The following RBM23 variants were observed in gnomAD, a reference collection of about 807,000 sequenced individuals.
RBM23 encodes RNA binding motif protein 23.
Under a neutral mutation model 56.2 loss-of-function variants are expected in RBM23, and 53 were observed. That is an observed-to-expected ratio of 0.94 (90% CI 0.76 to 1.19). The LOEUF is 1.19. Among genes scored for constraint, RBM23 ranks in the 50% most tolerant of loss-of-function variants. RBM23 has a pLI of 0.00. For missense variants in RBM23, 642 were observed against 590.3 expected, an observed-to-expected ratio of 1.09 and a Z score of -0.91; for synonymous variants, 197 against 198.5, an observed-to-expected ratio of 0.99 and a Z score of 0.06.
rs58361546 is a variant in RBM23 at position 22,912,998 on chromosome 14, C to CAA, written c.-10-1597_-10-1596dup. Among the ~76,000 whole-genome samples the CAA allele has an allele frequency of 5.4e-3, 190 of 35,420 alleles. 60 individuals are homozygous for CAA. Among genetic ancestry groups the CAA allele is most frequent in the African/African-American group, 0.024 (153 of 6,272 alleles). 23.2% of individuals were successfully genotyped at this position (35,420 alleles called of 152,430 possible). A position where few individuals can be genotyped will look rare whatever the true frequency, so the allele number is the denominator to read the frequency against. On this transcript the variant is annotated intron_variant, in intron 1 of 13. Coordinates refer to ENST00000359890, the MANE Select transcript of RBM23 (RefSeq NM_001077351.2). ...CTGGAGACAGAGTGAGATTCAGTCT[C>CAA]AAAAAAAAAAAAAAAAAAAAAAAAA...
chr14:22,905,672 G>A lies in RBM23; in HGVS notation c.402-13C>T, dbSNP rs1394968851. On this transcript the variant is annotated splice_polypyrimidine_tract_variant and intron_variant, in intron 5 of 13. Coordinates refer to ENST00000359890, the MANE Select transcript of RBM23 (RefSeq NM_001077351.2). ...TCCATACCTATAACTAAAGAATAGA[G>A]AAAAACAAAAGGTGAAACCTTATTC... 6.3e-7 allele frequency: 1 copy of A among 1,593,618 alleles called. No homozygotes were observed. The highest frequency in any genetic ancestry group is 1.1e-5 in the South Asian group (1 of 90,282).
In RBM23 at chr14:22,893,603, T is replaced by C. The variant is rs1450804304; in HGVS notation, c.*8127A>G. ...CCTTAAAGGATATGTAGGCTATAGA[T>C]AGTTGAGAGAAAGAAGGAAAAGCAT... On this transcript the variant is annotated 3_prime_UTR_variant, in exon 14 of 14. Coordinates refer to ENST00000359890, the MANE Select transcript of RBM23 (RefSeq NM_001077351.2). 6.6e-6 allele frequency: 1 copy of C among 152,194 alleles called. No individual in the cohort carries two copies. Among genetic ancestry groups the C allele is most frequent in the East Asian group, 1.9e-4 (1 of 5,198 alleles). The allele number at this position is 152,194 out of a possible 1,614,324, so 9.4% of individuals were successfully genotyped here.
At position 22,901,995 on chromosome 14, in the gene RBM23, G is replaced by T; in HGVS notation, c.1231C>A (p.Pro411Thr). The T allele has an allele frequency of 3.1e-6, 5 of 1,611,822 alleles. No individual in the cohort carries two copies. Among genetic ancestry groups the T allele is most frequent in the Non-Finnish European group, 4.2e-6 (5 of 1,178,420 alleles). ...CCAAGACTACCAGTCAGAGCTGCTG[G>T]ATTCAGGGCCCCCAAGGGAACTGCT... ...NGAVPLGALNPAALTALSPAL... is the reference protein window; with the variant it reads ...NGAVPLGALNTAALTALSPAL... The change falls in exon 12 of 14, where the codon CCA becomes ACA. Residue 411 changes from proline to threonine, a missense_variant. Pro to Thr is a conservative substitution (Grantham distance 38, BLOSUM62 -1). Coordinates refer to ENST00000359890, the MANE Select transcript of RBM23 (RefSeq NM_001077351.2).
At position 22,902,756 on chromosome 14, in the gene RBM23, C is replaced by CCTTTTTTTTTTTTTT. The variant is rs1555336814; in HGVS notation, c.931-375_931-374insAAAAAAAAAAAAAAG. 11 of 432,480 alleles carry CCTTTTTTTTTTTTTT rather than the reference C, an allele frequency of 2.5e-5. 5 individuals carry two copies. Among genetic ancestry groups the CCTTTTTTTTTTTTTT allele is most frequent in the Admixed American group, 4.5e-4 (2 of 4,470 alleles). 26.8% of individuals were successfully genotyped at this position (432,480 alleles called of 1,614,324 possible). ...GTTCTCTATCCTAGTAAGTTTTAGT[C>CCTTTTTTTTTTTTTT]TTTTTTTTTTTTTTTTTTTTTTTTT... On this transcript the variant is annotated intron_variant, in intron 10 of 13. Transcript: ENST00000359890.
At chr14:22,915,496 C>CTT (rs71115587) in intron 1 of RBM23, among the ~76,000 whole-genome samples, 57 of 124,006 alleles carry the variant, frequency 4.6e-4, no homozygotes, top group African/African-American at 1.3e-3. Flanking sequence ...CCATGCCTGG[C>CTT]TTTTTTTTTT....
intron 9 of RBM23, among the ~76,000 whole-genome samples, 193 bp downstream of exon 9, chr14:22,904,680 ATT>A (rs1488486659): frequency 1.3e-5 from 2 of 152,020 alleles, no homozygotes; most frequent in Non-Finnish European, 2.9e-5. Flanking sequence ...CTATTATTTG[ATT>A]TGTGTCTAAC....
chr14:22,902,109 AAAG>A lies in RBM23; in HGVS notation c.1127-13_1127-11del. 1 of 1,606,336 alleles carries A rather than the reference AAAG, an allele frequency of 6.2e-7. No homozygotes were observed. Among genetic ancestry groups the A allele is most frequent in the Non-Finnish European group, 8.5e-7 (1 of 1,175,136 alleles). On this transcript the variant is annotated splice_polypyrimidine_tract_variant and intron_variant, in intron 11 of 13. Transcript: ENST00000359890. ...AGTTGGATTCCAGCGCCTAAAAGGA[AAAG>A]AAAAGGTGGGATTAAGCCCCAACCC...
At chr14:22,916,359 C>T (rs2043494551) in intron 1 of RBM23, among the ~76,000 whole-genome samples, 2 of 151,544 alleles carry the variant, frequency 1.3e-5, no homozygotes, top group Admixed American at 1.3e-4. Flanking sequence ...CTAGCTCAAG[C>T]AATCCTCTAA....
chr14:22,917,571 T>C (rs1393850027), intron 1 of RBM23: 6 of 151,860 alleles, frequency 4.0e-5, no homozygotes, highest in African/African-American at 1.5e-4. Context: ...TTCTTCTTTT[T>C]TGTTTTTTTT....
rs530499478 is a variant in RBM23 at position 22,905,783 on chromosome 14, C to T, written c.402-124G>A. On this transcript the variant is annotated intron_variant, in intron 5 of 13. Coordinates refer to ENST00000359890, the MANE Select transcript of RBM23 (RefSeq NM_001077351.2). Reference sequence around the variant, plus strand: ...TTGTTTTTTTAAGACAGGGTTTCCGCTGTCACCCAGGCTGGAGTGCAGTGG... The same window carrying T: ...TTGTTTTTTTAAGACAGGGTTTCCGTTGTCACCCAGGCTGGAGTGCAGTGG... The T allele has an allele frequency of 2.7e-5, 21 of 784,896 alleles. No homozygotes were observed. The South Asian group carries it at 3.3e-4, about 12-fold the overall frequency. 48.6% of individuals were successfully genotyped at this position (784,896 alleles called of 1,614,324 possible).
intron 3 of RBM23, 82 bp downstream of exon 3, chr14:22,909,401 T>G: frequency 9.1e-7 from 1 of 1,096,818 alleles, no homozygotes; most frequent in Non-Finnish European, 1.4e-6. Context: ...AGAAACAATC[T>G]CCCTATTCTG....
rs2040249827 is a variant in RBM23 at position 22,896,430 on chromosome 14, T to C, written c.*5300A>G. 6.6e-6 allele frequency: 1 copy of C among 152,188 alleles called. No individual in the cohort carries two copies. Among genetic ancestry groups the C allele is most frequent in the South Asian group, 2.1e-4 (1 of 4,830 alleles). 9.4% of individuals were successfully genotyped at this position (152,188 alleles called of 1,614,324 possible). On this transcript the variant is annotated 3_prime_UTR_variant, in exon 14 of 14. Transcript: ENST00000359890. ...GGCGAATTCTTAGCACCACTAATTC[T>C]AAGCAAGTAGGCTTCCTGATGCCTG... is the stretch of plus-strand genomic sequence containing the variant.
In RBM23 at chr14:22,895,185, C is replaced by A. The variant is rs2040228329; in HGVS notation, c.*6545G>T. ...GACCAGCCTGACCAACATGGAGAAA[C>A]CCTGTCTCCACTAAAAATACAAAAT... On this transcript the variant is annotated 3_prime_UTR_variant, in exon 14 of 14. Coordinates refer to ENST00000359890, the MANE Select transcript of RBM23 (RefSeq NM_001077351.2). The A allele has an allele frequency of 1.3e-5, 2 of 151,788 alleles. No individual in the cohort carries two copies. Among genetic ancestry groups the A allele is most frequent in the African/African-American group, 4.8e-5 (2 of 41,284 alleles). 9.4% of individuals were successfully genotyped at this position (151,788 alleles called of 1,614,324 possible).
chr14:22,918,422 G>A (rs1313767277), intron 1 of RBM23, among the ~76,000 whole-genome samples: 1 of 151,266 alleles, frequency 6.6e-6, no homozygotes, highest in African/African-American at 2.4e-5. Context: ...GGTCCTATAG[G>A]CAACCAACTG....
chr14:22,910,151 CAAAAAAAAAAAAAAA>C (rs532892000), intron 2 of RBM23, among the ~76,000 whole-genome samples: 1 of 16,696 alleles, frequency 6.0e-5, no homozygotes, highest in East Asian at 3.4e-3. Flanking sequence ...GACTCTGTCT[CAAAAAAAAAAAAAAA>C]AAAAAAAAAA....
intron 1 of RBM23, among the ~76,000 whole-genome samples, chr14:22,915,859 G>A (rs975436607): frequency 1.2e-4 from 18 of 152,288 alleles, no homozygotes; most frequent in Admixed American, 9.8e-4. Flanking sequence ...CTGCAGACAG[G>A]TAATATATGA....
chr14:22,902,837 C>G, intron 10 of RBM23: 23 of 926,528 alleles, frequency 2.5e-5, no homozygotes, highest in Non-Finnish European at 2.9e-5. Context: ...TGCAGTGGCA[C>G]CATGTCAGCT....
Position 22,901,801 on chromosome 14 carries a change from C to T in RBM23, c.1316+13G>A. On this transcript the variant is annotated intron_variant, in intron 13 of 13. Transcript: ENST00000359890. ...TAATCAAAGGCTAGAATGAGCTAGA[C>T]CCTGAGACTCACATGGTCTGGGGGG... 1.9e-6 allele frequency: 3 copies of T among 1,614,144 alleles called. No individual in the cohort carries two copies. The highest frequency in any genetic ancestry group is 3.3e-4 in the Middle Eastern group (2 of 6,062).
intron 10 of RBM23, chr14:22,903,072 G>A (rs113510189): frequency 0.17 from 163,310 of 984,910 alleles, 13,984 homozygotes; most frequent in Admixed American, 0.18. Context: ...GTGAGCCACC[G>A]CGCCTGGCCA....
Sources: gnomAD v4.1 joint callset for allele counts (sites outside exome capture counted in the v4.1 genomes callset) on GRCh38, gnomAD v4.1.1 for gene constraint, MANE v1.5 for transcripts, NCBI Gene and HGNC (gene_info 2026-07-23, HGNC 2026-07-21) for gene names.